The following ARL10 variants were observed in gnomAD, a reference collection of about 807,000 sequenced individuals.
The protein encoded by ARL10 is ADP-ribosylation factor-like protein 10.
In ARL10, 23 loss-of-function variants were observed where a neutral mutation model predicts 26.1. The ratio of observed to expected loss-of-function variants is 0.88; its 90% confidence interval spans 0.63 to 1.25. The LOEUF is 1.25. Among genes scored for constraint, ARL10 ranks in the 50% most tolerant of loss-of-function variants. The pLI, the probability that ARL10 is intolerant of heterozygous loss-of-function variation, is 0.00. For synonymous variants in ARL10, 138 were observed against 149.1 expected (o/e 0.93, Z 0.54); for missense variants, 300 against 323.6 (o/e 0.93, Z 0.56).
At chr5:176,389,388 A>C, downstream of ARL10, 1 of 1,614,126 alleles carries the variant, frequency 6.2e-7, no homozygotes, top group Non-Finnish European at 8.5e-7. Flanking sequence ...CACCGGGGCA[A>C]CAGCCAGCGC....
chr5:176,385,979 T>C (rs1755816289), downstream of ARL10: 1 of 152,664 alleles, frequency 6.6e-6, no homozygotes, highest in African/African-American at 2.4e-5. Context: ...GGTCCTCATA[T>C]TGTATATAGT....
intron 3 of ARL10, chr5:176,369,358 G>A (rs1303631491): frequency 1.7e-5 from 9 of 523,042 alleles, no homozygotes; most frequent in Admixed American, 3.5e-5. Context: ...TCAGCCTTCC[G>A]AGTAGCTGGG....
chr5:176,383,631 C>T (rs1755609130), downstream of ARL10, among the ~76,000 whole-genome samples: 1 of 152,272 alleles, frequency 6.6e-6, no homozygotes, highest in Admixed American at 6.5e-5. Context: ...TTACCCTCTG[C>T]CAGTCAAGCC....
downstream of ARL10, among the ~76,000 whole-genome samples, chr5:176,402,024 C>T (rs1026887267): frequency 7.9e-5 from 12 of 152,138 alleles, no homozygotes; most frequent in African/African-American, 1.7e-4. Flanking sequence ...CAAAGGCAGC[C>T]GGGCACGGTG....
At chr5:176,397,621 GTTC>G in intron 1 of ARL10, 1 of 1,601,402 alleles carries the variant, frequency 6.2e-7, no homozygotes, top group Middle Eastern at 1.7e-4. Flanking sequence ...TGTTGATCTT[GTTC>G]TTCTCTACTT....
rs1192417801 is a variant in ARL10 at position 176,377,461 on chromosome 5, A to G, written c.*5566A>G. ...TTCTTATAACTCCTTAGCTACTGCC[A>G]TAGCATCAGCTCTCCTACACAGGAA... is the stretch of plus-strand genomic sequence containing the variant. On this transcript the variant is annotated 3_prime_UTR_variant, in exon 4 of 4. Transcript: ENST00000310389. The surrounding 1 kb of genome is among the most constrained non-coding windows in gnomAD (Gnocchi z 4.5). 1 of 152,220 alleles carries G rather than the reference A, an allele frequency of 6.6e-6. No individual in the cohort carries two copies. Among genetic ancestry groups the G allele is most frequent in the Admixed American group, 6.5e-5 (1 of 15,284 alleles). 9.4% of individuals were successfully genotyped at this position (152,220 alleles called of 1,614,324 possible).
chr5:176,383,546 C>T (rs942317120), downstream of ARL10, among the ~76,000 whole-genome samples: 2 of 152,318 alleles, frequency 1.3e-5, no homozygotes, highest in South Asian at 2.1e-4. Context: ...CACTTCAGAC[C>T]GAGGCCAACA....
downstream of ARL10, chr5:176,389,712 T>TC (rs78800628): frequency 1.1e-3 from 534 of 476,070 alleles, 5 homozygotes; most frequent in East Asian, 0.017. Flanking sequence ...GTGCCACATC[T>TC]CCCCTCCACT....
chr5:176,381,851 AT>A lies in ARL10; in HGVS notation c.*9961del, dbSNP rs1755559303. 6.6e-6 allele frequency: 1 copy of A among 152,212 alleles called. No individual in the cohort carries two copies. Among genetic ancestry groups the A allele is most frequent in the African/African-American group, 2.4e-5 (1 of 41,450 alleles). 9.4% of individuals were successfully genotyped at this position (152,212 alleles called of 1,614,324 possible). On this transcript the variant is annotated 3_prime_UTR_variant, in exon 4 of 4. Coordinates refer to ENST00000310389, the MANE Select transcript of ARL10 (RefSeq NM_173664.6). ...CTGAGTCTAATGAATATATTGTACA[AT>A]TTTTAAAGTCCCCAGTTGTGGGAGG...
At chr5:176,393,162 G>A (rs929064616), downstream of ARL10, among the ~76,000 whole-genome samples, 25 of 151,992 alleles carry the variant, frequency 1.6e-4, no homozygotes, top group African/African-American at 3.1e-4. The surrounding 1 kb of genome is among the most constrained non-coding windows in gnomAD (Gnocchi z 4.4). Flanking sequence ...CCTGGAACAC[G>A]CTTCTCCCAG....
chr5:176,392,769 G>A (rs1257734623), downstream of ARL10: 2 of 1,613,592 alleles, frequency 1.2e-6, no homozygotes, highest in Non-Finnish European at 1.7e-6. This position sits in a 1 kb window ranked among gnomAD's most constrained non-coding sequence, Gnocchi z 5.2. Flanking sequence ...GCACCTAGCA[G>A]GCACCTAGCG....
intron 1 of ARL10, among the ~76,000 whole-genome samples, chr5:176,396,804 T>C (rs1471438445): frequency 6.6e-6 from 1 of 152,166 alleles, no homozygotes; most frequent in Non-Finnish European, 1.5e-5. Flanking sequence ...CCACTGCCCA[T>C]GTCACTGCCC....
At chr5:176,402,588 C>T (rs1222061161), downstream of ARL10, among the ~76,000 whole-genome samples, 4 of 152,210 alleles carry the variant, frequency 2.6e-5, no homozygotes, top group Admixed American at 2.0e-4. Context: ...CCCTTCCCTC[C>T]CTGCCATGAG....
intron 1 of ARL10, among the ~76,000 whole-genome samples, chr5:176,397,136 C>T (rs1434750361): frequency 6.6e-6 from 1 of 152,118 alleles, no homozygotes; most frequent in Non-Finnish European, 1.5e-5. Flanking sequence ...CTGGGTCCTC[C>T]TTATCTCCAT....
At chr5:176,367,844 CT>C in intron 2 of ARL10, 2 of 500,558 alleles carry the variant, frequency 4.0e-6, no homozygotes, top group Non-Finnish European at 3.9e-6. Context: ...TATTTCTTTC[CT>C]TTTTGAAATG....
downstream of ARL10, chr5:176,392,621 G>A (rs758244209): frequency 6.3e-5 from 51 of 808,590 alleles, no homozygotes; most frequent in Non-Finnish European, 9.0e-5. This position sits in a 1 kb window ranked among gnomAD's most constrained non-coding sequence, Gnocchi z 5.2. Flanking sequence ...GAGGCGTGAT[G>A]GGGTGAGGGC....
chr5:176,390,652 G>A (rs1756236411), downstream of ARL10, among the ~76,000 whole-genome samples: 3 of 151,984 alleles, frequency 2.0e-5, no homozygotes, highest in East Asian at 5.8e-4. Context: ...TCACCATGTT[G>A]GCCAGGCTGG....
At chr5:176,386,459 C>T (rs2113588681), downstream of ARL10, 1 of 350,996 alleles carries the variant, frequency 2.8e-6, no homozygotes, top group Non-Finnish European at 5.6e-6. Context: ...TCTCTATAGC[C>T]TTAATATACA....
At chr5:176,388,021 G>T (rs1462152869) in intron 1 of ARL10, among the ~76,000 whole-genome samples, 1 of 152,224 alleles carries the variant, frequency 6.6e-6, no homozygotes, top group Non-Finnish European at 1.5e-5. Flanking sequence ...AGACTGAGTA[G>T]AGGGGGTATG....
Sources: allele counts gnomAD v4.1 joint callset (sites outside exome capture counted in the v4.1 genomes callset), GRCh38; gene constraint gnomAD v4.1.1; non-coding constraint Gnocchi (gnomAD v3.1); transcripts MANE v1.5; gene names NCBI Gene and HGNC (gene_info 2026-07-23, HGNC 2026-07-21).